MRTFA: variants seen among roughly 807,000 people sequenced by gnomAD.
MRTFA encodes myocardin-related transcription factor A.
In MRTFA, 20 loss-of-function variants were observed where a neutral mutation model predicts 83.5. The observed-to-expected ratio is 0.24, with a 90% CI of 0.17 to 0.35. The LOEUF (loss-of-function observed/expected upper bound fraction) is 0.35. MRTFA is among the 10% of genes least tolerant of loss of function. The pLI, the probability that MRTFA is intolerant of heterozygous loss-of-function variation, is 1.00. For missense variants in MRTFA, 1,200 were observed against 1,224.7 expected, an observed-to-expected ratio of 0.98 and a Z score of 0.30; for synonymous variants, 659 against 541.2, an observed-to-expected ratio of 1.22 and a Z score of -3.02.
At chr22:40,611,622 G>C (rs994762852) in intron 1 of MRTFA, among the ~76,000 whole-genome samples, 1 of 152,168 alleles carries the variant, frequency 6.6e-6, no homozygotes, top group Admixed American at 6.6e-5. Context: ...GCATGGGACA[G>C]GAAAGCTGTT....
In MRTFA at chr22:40,444,769, T is replaced by TA. The variant is rs34631881; in HGVS notation, c.308-9216dup. The stretch of plus-strand genomic sequence containing the variant: ...GCTTCTGACTTGATGTTTTATGTTT[T>TA]AAAAAAAAAAAATGAGGGCCTGGTG... On this transcript the variant is annotated intron_variant, in intron 4 of 14. Coordinates refer to ENST00000355630, the MANE Select transcript of MRTFA (RefSeq NM_020831.6). 1.6e-3 allele frequency among the ~76,000 whole-genome samples: 240 copies of TA among 146,558 alleles called. 2 individuals carry two copies. Among genetic ancestry groups the TA allele is most frequent in the Middle Eastern group, 6.9e-3 (2 of 288 alleles).
chr22:40,477,128 T>C lies in MRTFA; in HGVS notation c.242-13842A>G, dbSNP rs548301168. 1.5e-4 allele frequency among the ~76,000 whole-genome samples: 20 copies of C among 136,600 alleles called. 1 individual carries two copies. In the South Asian group the frequency reaches 2.9e-3, roughly 20 times the overall value. The allele number at this position is 136,600 out of a possible 152,430, so 89.6% of individuals were successfully genotyped here. On this transcript the variant is annotated intron_variant, in intron 3 of 14. Coordinates refer to ENST00000355630, the MANE Select transcript of MRTFA (RefSeq NM_020831.6). ...GCAGATCACGTGAGGTCAGGAGGTC[T>C]AGGCCAGCCTGGCCAACATGGTGAA...
chr22:40,428,915 GC>G (rs1569259514), intron 7 of MRTFA, among the ~76,000 whole-genome samples: 1 of 152,040 alleles, frequency 6.6e-6, no homozygotes, highest in African/African-American at 2.4e-5. Context: ...TCTCCCACAC[GC>G]TTTCATGAAT....
At chr22:40,528,830 T>C (rs1468561108) in intron 3 of MRTFA, among the ~76,000 whole-genome samples, 6 of 152,186 alleles carry the variant, frequency 3.9e-5, no homozygotes, top group Admixed American at 3.3e-4. Context: ...GGCTTGAATG[T>C]GGCCCAACAC....
At chr22:40,538,534 C>A (rs1194871781) in intron 3 of MRTFA, among the ~76,000 whole-genome samples, 1 of 147,552 alleles carries the variant, frequency 6.8e-6, no homozygotes, top group Admixed American at 6.9e-5. Context: ...GCCAAATCCC[C>A]CTCTGTGAGA....
chr22:40,478,407 C>T (rs1000146388), intron 3 of MRTFA, among the ~76,000 whole-genome samples: 9 of 152,160 alleles, frequency 5.9e-5, no homozygotes, highest in African/African-American at 1.9e-4. Flanking sequence ...ATCAAGGATA[C>T]ACAGGAACTC....
chr22:40,470,900 G>C (rs1301993761), intron 3 of MRTFA, among the ~76,000 whole-genome samples: 1 of 152,002 alleles, frequency 6.6e-6, no homozygotes, highest in African/African-American at 2.4e-5. Flanking sequence ...AGTGAGCTGA[G>C]ATTGTGCCAC....
At chr22:40,452,350 A>G (rs1439722369) in intron 4 of MRTFA, among the ~76,000 whole-genome samples, 1 of 152,110 alleles carries the variant, frequency 6.6e-6, no homozygotes, top group African/African-American at 2.4e-5. Flanking sequence ...TGTGATTAAG[A>G]TGTGTATTGT....
intron 2 of MRTFA, among the ~76,000 whole-genome samples, chr22:40,559,942 G>A (rs1022265438): frequency 2.0e-5 from 3 of 152,134 alleles, no homozygotes; most frequent in Non-Finnish European, 4.4e-5. Context: ...AGGGCTTAAA[G>A]AGATCACTTA....
At chr22:40,534,099 G>T (rs2055127387) in intron 3 of MRTFA, among the ~76,000 whole-genome samples, 1 of 152,178 alleles carries the variant, frequency 6.6e-6, no homozygotes, top group Non-Finnish European at 1.5e-5. Context: ...CATGAAAGAA[G>T]CAGTCCAATT....
intron 1 of MRTFA, among the ~76,000 whole-genome samples, chr22:40,617,207 AGGGAGGGAGGGAGGGC>A (rs1569354539): frequency 2.4e-4 from 5 of 20,502 alleles, no homozygotes; most frequent in Non-Finnish European, 2.8e-4. Flanking sequence ...GGAGGGAGGG[AGGGAGGGAGGGAGGGC>A]GGGCAGGGAG....
At chr22:40,426,111 G>A (rs988227168) in intron 7 of MRTFA, among the ~76,000 whole-genome samples, 30 of 152,098 alleles carry the variant, frequency 2.0e-4, no homozygotes, top group African/African-American at 7.0e-4. Context: ...GGTGGGATGG[G>A]GAGCTTAGAT....
chr22:40,610,690 G>A (rs1476412394), intron 1 of MRTFA, among the ~76,000 whole-genome samples: 1 of 151,854 alleles, frequency 6.6e-6, no homozygotes, highest in Non-Finnish European at 1.5e-5. Context: ...CAATCTTCCT[G>A]GTTTTATTAA....
intron 1 of MRTFA, among the ~76,000 whole-genome samples, chr22:40,601,715 G>A (rs2056261177): frequency 2.0e-5 from 3 of 152,222 alleles, no homozygotes; most frequent in East Asian, 3.9e-4. Flanking sequence ...AGATCAGCTG[G>A]GTATGGTTAC....
At chr22:40,458,528 C>T (rs570953349) in intron 4 of MRTFA, among the ~76,000 whole-genome samples, 2 of 152,170 alleles carry the variant, frequency 1.3e-5, no homozygotes, top group East Asian at 1.9e-4. Context: ...CTGTGTCCTA[C>T]AGATATGACG....
At chr22:40,515,351 T>A (rs560034946) in intron 3 of MRTFA, among the ~76,000 whole-genome samples, 1 of 152,142 alleles carries the variant, frequency 6.6e-6, no homozygotes, top group Non-Finnish European at 1.5e-5. Flanking sequence ...GCATTTACAG[T>A]CTAGTGAGAA....
intron 3 of MRTFA, among the ~76,000 whole-genome samples, chr22:40,494,194 A>G (rs1484623667): frequency 2.0e-5 from 3 of 152,230 alleles, no homozygotes; most frequent in Non-Finnish European, 4.4e-5. Context: ...TGTCTCTGAA[A>G]TAAAAATAAA....
chr22:40,590,235 G>A (rs2147375522), intron 2 of MRTFA, among the ~76,000 whole-genome samples: 1 of 152,198 alleles, frequency 6.6e-6, no homozygotes. Flanking sequence ...TAAATAATTA[G>A]TATGGCTGTA....
chr22:40,503,026 G>T (rs992265858), intron 3 of MRTFA, among the ~76,000 whole-genome samples: 2 of 152,084 alleles, frequency 1.3e-5, no homozygotes, highest in Non-Finnish European at 2.9e-5. Flanking sequence ...CTACGCACAG[G>T]GAAACCAGCA....
Sources: gnomAD v4.1 joint callset for allele counts (sites outside exome capture counted in the v4.1 genomes callset) on GRCh38, gnomAD v4.1.1 for gene constraint, MANE v1.5 for transcripts, NCBI Gene and HGNC (gene_info 2026-07-23, HGNC 2026-07-21) for gene names.